YLPM1: variants seen among roughly 807,000 people sequenced by gnomAD.
YLPM1 encodes YLP motif containing 1, also known as YLP motif-containing protein 1.
A neutral mutation model predicts 230.0 loss-of-function variants in YLPM1; 99 were observed. That is an observed-to-expected ratio of 0.43 (90% CI 0.37 to 0.51). The LOEUF (loss-of-function observed/expected upper bound fraction) is 0.51, where lower values mean the gene tolerates loss of function less well. Ranked by LOEUF, YLPM1 falls within the 20% of genes least tolerant of loss-of-function variation. The pLI is 0.00. For synonymous variants in YLPM1, 984 were observed against 942.5 expected, an observed-to-expected ratio of 1.04 and a Z score of -0.81; for missense variants, 2,592 against 2,707.7, an observed-to-expected ratio of 0.96 and a Z score of 0.95.
At chr14:74,818,112 A>G in intron 15 of YLPM1, 119 bp from the exon 16 acceptor site, 1 of 432,008 alleles carries the variant, frequency 2.3e-6, no homozygotes, top group South Asian at 7.7e-5. Context: ...ATATTTAACA[A>G]ATATTTAATT....
At chr14:74,781,170 T>C (rs889180345) in intron 3 of YLPM1, among the ~76,000 whole-genome samples, 164 bp from the exon 4 acceptor site, 1 of 152,214 alleles carries the variant, frequency 6.6e-6, no homozygotes. Flanking sequence ...GGAAGAAGAA[T>C]GATCATCACT....
chr14:74,770,867 G>A (rs562984214), intron 1 of YLPM1, among the ~76,000 whole-genome samples: 11 of 152,276 alleles, frequency 7.2e-5, no homozygotes, highest in East Asian at 5.8e-4. Flanking sequence ...AGAATTAAAA[G>A]GAGCAAGAGT....
Position 74,812,716 on chromosome 14 carries a change from G to A in YLPM1, c.5436G>A (p.Lys1812=), listed in dbSNP as rs771834609. 8 of 1,613,682 alleles carry A rather than the reference G, an allele frequency of 5.0e-6. No individual in the cohort carries two copies. The South Asian group carries it at 8.8e-5, about 18-fold the overall frequency. Residue 1812 remains lysine (K), a synonymous_variant, in exon 11 of 21, where the codon AAG becomes AAA. Transcript: ENST00000325680. ...HQPPPAPRVE[K]KPESKNVDDI... ...CTCCTCCAGCTCCACGAGTCGAGAA[G>A]AAGCCTGAATCAAAGAATGTGGACG...
intron 18 of YLPM1, among the ~76,000 whole-genome samples, chr14:74,828,618 C>A (rs1460406281): frequency 2.6e-5 from 4 of 152,008 alleles, no homozygotes; most frequent in Admixed American, 1.3e-4. Flanking sequence ...GAATGGTCAA[C>A]TTCATAGTAT....
At position 74,781,423 on chromosome 14, in the gene YLPM1, G is replaced by T; in HGVS notation, c.1380G>T (p.Gln460His). The change falls in exon 4 of 21, where the codon CAG (glutamine) becomes CAT (histidine). Residue 460 changes from glutamine (Q) to histidine (H), a missense_variant. Gln to His is a conservative substitution (Grantham distance 24). This residue lies in a region of YLPM1 where 1,862 missense variants were observed against 1,819.8 expected (regional missense o/e 1.02). Coordinates refer to ENST00000325680, the MANE Select transcript of YLPM1 (RefSeq NM_019589.3). ...ACCAAGAATGGGAGCGAGAGTTTCA[G>T]CTATGGGAGGAACAACTCCATTCCT... is the stretch of plus-strand genomic sequence containing the variant. The part of the protein sequence containing the change: ...HLYQEWEREF[Q>H]LWEEQLHSYP... 6.2e-7 allele frequency: 1 copy of T among 1,607,468 alleles called. No individual in the cohort carries two copies.
intron 19 of YLPM1, 136 bp downstream of exon 19, chr14:74,829,479 A>G (rs1291326335): frequency 8.1e-7 from 1 of 1,238,614 alleles, no homozygotes; most frequent in African/African-American, 1.5e-5. Flanking sequence ...GTATCCCAAG[A>G]AGGAGTCATA....
chr14:74,809,760 A>G lies in YLPM1; in HGVS notation c.4902A>G (p.Pro1634=). 2 of 1,613,936 alleles carry G rather than the reference A, an allele frequency of 1.2e-6. No homozygotes were observed. The highest frequency in any genetic ancestry group is 4.5e-5 in the East Asian group (2 of 44,874). Residue 1634 remains proline (P), a synonymous_variant, in exon 7 of 21, where the codon CCA becomes CCG. Transcript: ENST00000325680. The stretch of plus-strand genomic sequence containing the variant: ...GTATGCCACCAATGTCCAAGCCACC[A>G]CCAGTACAACAGACTGTTGATTATG... ...PMGMPPMSKP[P]PVQQTVDYGH... is the part of the protein sequence containing the mutation.
chr14:74,819,500 C>T (rs2140136344), intron 16 of YLPM1, among the ~76,000 whole-genome samples: 1 of 152,198 alleles, frequency 6.6e-6, no homozygotes, highest in Non-Finnish European at 1.5e-5. Flanking sequence ...GTCTTGAACT[C>T]CTGGCCTCAA....
rs1359590400 is a variant in YLPM1, at chr14:74,835,296, A to T, written c.6326A>T (p.Asp2109Val). 1.2e-6 allele frequency: 2 copies of T among 1,613,550 alleles called. No individual in the cohort carries two copies. Among genetic ancestry groups the T allele is most frequent in the African/African-American group, 1.3e-5 (1 of 74,902 alleles). ...TGGGCAGACCTGGAAGAGAAGAAGGATGCAGATAGGAAAAGGGCCATAGGT... is the reference window on the plus strand; with the variant it reads ...TGGGCAGACCTGGAAGAGAAGAAGGTTGCAGATAGGAAAAGGGCCATAGGT... ...VRWADLEEKK[D>V]ADRKRAIGFV... Residue 2109 changes from aspartate to valine, a missense_variant, in exon 20 of 21, where the codon GAT becomes GTT. Physicochemically the swap from Asp to Val is radical, Grantham distance 152. Around this residue, in one of 4 missense-constraint regions of YLPM1, gnomAD observed 315 missense variants for 429.3 expected, o/e 0.73. Coordinates refer to ENST00000325680, the MANE Select transcript of YLPM1 (RefSeq NM_019589.3).
At chr14:74,792,517 T>C (rs141839323) in intron 4 of YLPM1, among the ~76,000 whole-genome samples, 1 of 152,336 alleles carries the variant, frequency 6.6e-6, no homozygotes, top group East Asian at 1.9e-4. Context: ...GTGATTCATA[T>C]GCATGGTTTA....
rs1163967045 is a variant in YLPM1 at position 74,802,646 on chromosome 14, G to T, written c.4491G>T (p.Gln1497His). The change falls in exon 6 of 21, where the codon CAG becomes CAT. Residue 1497 changes from glutamine to histidine, a missense_variant. Gln to His is a conservative substitution (Grantham distance 24). Transcript: ENST00000325680. The part of the protein sequence containing the change: ...DHLPPQESRL[Q>H]NTSSRPGMYP... ...TACCACCTCAGGAATCAAGATTGCA[G>T]AATACATCTTCAAGACCTGGAATGT... 6.8e-6 allele frequency: 11 copies of T among 1,612,890 alleles called. No homozygotes were observed. The highest frequency in any genetic ancestry group is 8.5e-6 in the Non-Finnish European group (10 of 1,179,502).
chr14:74,770,942 G>T (rs1012861973), intron 1 of YLPM1, among the ~76,000 whole-genome samples: 2 of 152,190 alleles, frequency 1.3e-5, no homozygotes. Flanking sequence ...GACTTTGATG[G>T]TATTAGTTGA....
chr14:74,806,195 A>G (rs2091376952), intron 6 of YLPM1, among the ~76,000 whole-genome samples: 1 of 151,758 alleles, frequency 6.6e-6, no homozygotes, highest in South Asian at 2.1e-4. Context: ...CGTCTCTACT[A>G]AAAATATAAA....
chr14:74,780,356 G>T, intron 2 of YLPM1, 49 bp from the exon 3 acceptor site: 3 of 1,545,754 alleles, frequency 1.9e-6, no homozygotes, highest in Admixed American at 2.0e-5. Context: ...AAATATTTTT[G>T]CTTGCTGTTT....
At chr14:74,808,967 G>T (rs952579711) in intron 6 of YLPM1, among the ~76,000 whole-genome samples, 1 of 152,002 alleles carries the variant, frequency 6.6e-6, no homozygotes, top group Non-Finnish European at 1.5e-5. Flanking sequence ...AACCATTCCA[G>T]TGCATATGAA....
At chr14:74,772,638 T>A (rs1419901786) in intron 1 of YLPM1, among the ~76,000 whole-genome samples, 1 of 152,192 alleles carries the variant, frequency 6.6e-6, no homozygotes, top group African/African-American at 2.4e-5. Flanking sequence ...ATTACAGATG[T>A]GAGCCACCGC....
At chr14:74,819,157 C>G (rs1232910759) in intron 16 of YLPM1, among the ~76,000 whole-genome samples, 2 of 151,954 alleles carry the variant, frequency 1.3e-5, no homozygotes, top group East Asian at 3.9e-4. Flanking sequence ...TTTTCATTCA[C>G]TGGTAATTCT....
chr14:74,797,667 C>T lies in YLPM1; in HGVS notation c.2370C>T (p.Pro790=), dbSNP rs753229653. ...PKGPRFEGNR[P]DGPRPRYEGH... ...GGCCTCGTTTTGAAGGAAATCGCCC[C>T]GATGGGCCAAGACCCAGATATGAAG... The change falls in exon 5 of 21, where the codon CCC becomes CCT. Residue 790 remains proline, a synonymous_variant. Coordinates refer to ENST00000325680, the MANE Select transcript of YLPM1 (RefSeq NM_019589.3). 23 of 1,600,466 alleles carry T rather than the reference C, an allele frequency of 1.4e-5. No homozygotes were observed. The highest frequency in any genetic ancestry group is 1.0e-4 in the Admixed American group (6 of 57,676).
chr14:74,818,393 C>T, intron 16 of YLPM1, 79 bp downstream of exon 16: 6 of 1,239,502 alleles, frequency 4.8e-6, no homozygotes, highest in Non-Finnish European at 6.7e-6. Context: ...TTAAAACCTA[C>T]AGAAAAGTTA....
Sources: allele counts gnomAD v4.1 joint callset (sites outside exome capture counted in the v4.1 genomes callset), GRCh38; gene constraint gnomAD v4.1.1; regional missense constraint gnomAD v4.1.1; transcripts MANE v1.5; gene names NCBI Gene and HGNC (gene_info 2026-07-23, HGNC 2026-07-21).